AUTS2: variants seen among roughly 807,000 people sequenced by gnomAD.
The protein encoded by AUTS2 is autism susceptibility gene 2 protein.
A neutral mutation model predicts 112.4 loss-of-function variants in AUTS2; 17 were observed. The observed-to-expected ratio is 0.15, with a 90% CI of 0.10 to 0.23. The LOEUF (loss-of-function observed/expected upper bound fraction) is 0.23. Among genes scored for constraint, AUTS2 ranks in the 10% least tolerant of loss-of-function variants. The pLI is 1.00. For synonymous variants in AUTS2, 751 were observed against 702.7 expected (o/e 1.07, Z -1.09); for missense variants, 1,510 against 1,701.6 (o/e 0.89, Z 1.98).
intron 4 of AUTS2, among the ~76,000 whole-genome samples, chr7:70,359,502 G>T (rs777171645): frequency 6.6e-6 from 1 of 152,110 alleles, no homozygotes; most frequent in Non-Finnish European, 1.5e-5. Context: ...TTCTGGTGAG[G>T]GCCACATGCT....
At chr7:70,390,965 T>C (rs1243228630) in intron 4 of AUTS2, among the ~76,000 whole-genome samples, 1 of 152,190 alleles carries the variant, frequency 6.6e-6, no homozygotes, top group Non-Finnish European at 1.5e-5. Context: ...TGACCGAATC[T>C]GTGCTGATAA....
chr7:70,689,145 C>G (rs1325540951), intron 5 of AUTS2, among the ~76,000 whole-genome samples: 1 of 151,714 alleles, frequency 6.6e-6, no homozygotes, highest in African/African-American at 2.4e-5. Context: ...TCACTTGAGG[C>G]CACGAGTTCA....
At chr7:70,069,631 G>A (rs1021054293) in intron 2 of AUTS2, among the ~76,000 whole-genome samples, 12 of 151,570 alleles carry the variant, frequency 7.9e-5, no homozygotes, top group African/African-American at 2.9e-4. Context: ...TCTCAATAGG[G>A]ACAATCTTGA....
At chr7:70,220,899 C>T (rs1223283637) in intron 4 of AUTS2, among the ~76,000 whole-genome samples, 1 of 152,098 alleles carries the variant, frequency 6.6e-6, no homozygotes. Flanking sequence ...TCTACCATTA[C>T]TATTTTGCTA....
chr7:69,717,538 A>T (rs1798677832), intron 1 of AUTS2, among the ~76,000 whole-genome samples: 1 of 152,218 alleles, frequency 6.6e-6, no homozygotes, highest in Admixed American at 6.5e-5. Context: ...GTTGAACAGC[A>T]CTGTGTGCTG....
At chr7:70,528,195 G>A (rs1288471314) in intron 5 of AUTS2, among the ~76,000 whole-genome samples, 2 of 148,386 alleles carry the variant, frequency 1.3e-5, no homozygotes, top group Non-Finnish European at 3.0e-5. Context: ...TCCAGTGGAG[G>A]TTAAGTTCCC....
intron 4 of AUTS2, among the ~76,000 whole-genome samples, chr7:70,232,353 G>A (rs961827983): frequency 6.6e-6 from 1 of 151,530 alleles, no homozygotes; most frequent in African/African-American, 2.4e-5. Context: ...GCATACATAC[G>A]TACAGTTTTA....
intron 5 of AUTS2, among the ~76,000 whole-genome samples, chr7:70,665,406 G>A (rs1246942146): frequency 6.6e-6 from 1 of 151,786 alleles, no homozygotes; most frequent in Non-Finnish European, 1.5e-5. Context: ...CGAGACTACA[G>A]GCACACATCA....
intron 5 of AUTS2, among the ~76,000 whole-genome samples, chr7:70,615,318 C>T (rs1356488067): frequency 2.0e-5 from 3 of 152,210 alleles, no homozygotes; most frequent in Admixed American, 6.5e-5. Context: ...AAAAAAGAAG[C>T]GGCTGGTCTT....
At chr7:69,636,480 GC>G (rs10652609) in intron 1 of AUTS2, among the ~76,000 whole-genome samples, 405 of 16,080 alleles carry the variant, frequency 0.025, 57 homozygotes, top group African/African-American at 0.049. Flanking sequence ...AGTGATCCGC[GC>G]CCCCCCCCCC....
chr7:70,538,232 G>A (rs1288835256), intron 5 of AUTS2, among the ~76,000 whole-genome samples: 1 of 152,036 alleles, frequency 6.6e-6, no homozygotes, highest in African/African-American at 2.4e-5. Flanking sequence ...GTGAGACCCT[G>A]TGTAAGAGAG....
intron 1 of AUTS2, among the ~76,000 whole-genome samples, chr7:69,805,183 A>C (rs1404607689): frequency 6.6e-6 from 1 of 152,224 alleles, no homozygotes; most frequent in Non-Finnish European, 1.5e-5. Flanking sequence ...CCTTGATAAC[A>C]GGAGATAAAT....
At chr7:70,773,103 G>T (rs577847168) in intron 11 of AUTS2, among the ~76,000 whole-genome samples, 3 of 152,310 alleles carry the variant, frequency 2.0e-5, no homozygotes, top group African/African-American at 7.2e-5. Flanking sequence ...TGCAAATCAG[G>T]TTGTTAACAA....
chr7:70,775,357 T>G lies in AUTS2; in HGVS notation c.1903T>G (p.Leu635Val). The change falls in exon 13 of 19, where the codon TTG (leucine) becomes GTG (valine). Residue 635 changes from leucine (L) to valine (V), a missense_variant and splice_region_variant. Transcript: ENST00000342771. ...PHTLLQKDPR[L>V]TDPFRPMLRK... ...CCAAGTTGTCATTTTCTCTTCACAG[T>G]TGACAGATCCTTTCAGACCTATGTT... is the stretch of plus-strand genomic sequence containing the variant. 6.2e-7 allele frequency: 1 copy of G among 1,612,924 alleles called. No individual in the cohort carries two copies. The highest frequency in any genetic ancestry group is 8.5e-7 in the Non-Finnish European group (1 of 1,179,612).
intron 5 of AUTS2, among the ~76,000 whole-genome samples, chr7:70,664,419 CTT>C (rs1807226982): frequency 6.6e-6 from 1 of 152,210 alleles, no homozygotes; most frequent in South Asian, 2.1e-4. Flanking sequence ...TTTCTCTCCT[CTT>C]TTAGTTCCCT....
At chr7:69,858,472 T>G (rs1300006067) in intron 1 of AUTS2, among the ~76,000 whole-genome samples, 1 of 152,128 alleles carries the variant, frequency 6.6e-6, no homozygotes, top group Non-Finnish European at 1.5e-5. Flanking sequence ...AGAGAAGAGG[T>G]TGGACTTAAT....
intron 5 of AUTS2, among the ~76,000 whole-genome samples, chr7:70,656,616 A>C (rs1244946418): frequency 6.6e-6 from 1 of 152,236 alleles, no homozygotes; most frequent in Non-Finnish European, 1.5e-5. Flanking sequence ...TAAGGGTATA[A>C]GAGCTGAGGT....
chr7:69,840,554 C>T (rs146466697), intron 1 of AUTS2, among the ~76,000 whole-genome samples: 10 of 152,202 alleles, frequency 6.6e-5, no homozygotes, highest in African/African-American at 1.7e-4. Context: ...CTTCACAGGT[C>T]GAAGAGGCTT....
intron 6 of AUTS2, among the ~76,000 whole-genome samples, chr7:70,706,749 T>C (rs1345844211): frequency 1.3e-5 from 2 of 152,208 alleles, no homozygotes; most frequent in African/African-American, 2.4e-5. Context: ...GAAGGACTTA[T>C]GGAAAAGTTG....
Sources: gnomAD v4.1 joint callset for allele counts (sites outside exome capture counted in the v4.1 genomes callset) on GRCh38, gnomAD v4.1.1 for gene constraint, MANE v1.5 for transcripts, NCBI Gene and HGNC (gene_info 2026-07-23, HGNC 2026-07-21) for gene names.